The following NCK1 variants were observed in gnomAD, a reference collection of about 807,000 sequenced individuals.
NCK1 encodes SH2/SH3 adapter protein NCK1.
A neutral mutation model predicts 36.6 loss-of-function variants in NCK1; 19 were observed. That is an observed-to-expected ratio of 0.52 (90% CI 0.36 to 0.76). The LOEUF (loss-of-function observed/expected upper bound fraction) is 0.76, where lower values mean the gene tolerates loss of function less well. Ranked by LOEUF, NCK1 falls within the 30% of genes least tolerant of loss-of-function variation. NCK1 has a pLI of 0.00. For missense variants in NCK1, 358 were observed against 445.6 expected (o/e 0.80, Z 1.77); for synonymous variants, 165 against 156.0 (o/e 1.06, Z -0.43).
intron 2 of NCK1, chr3:136,930,586 A>G: frequency 6.7e-7 from 1 of 1,483,626 alleles, no homozygotes; most frequent in African/African-American, 1.4e-5. Flanking sequence ...GTCTTTAAAG[A>G]TTTTTTCAGT....
At chr3:136,867,952 T>A (rs1938498654) in intron 1 of NCK1, among the ~76,000 whole-genome samples, 1 of 152,030 alleles carries the variant, frequency 6.6e-6, no homozygotes, top group Admixed American at 6.6e-5. Flanking sequence ...AGTTTCGCAG[T>A]TTTTGCCCTG....
At chr3:136,882,547 CTGTGTGTGTGTGTGTG>C (rs35463509) in intron 1 of NCK1, among the ~76,000 whole-genome samples, 8 of 143,492 alleles carry the variant, frequency 5.6e-5, no homozygotes, top group South Asian at 2.3e-4. Context: ...TCCCACATCA[CTGTGTGTGTGTGTGTG>C]TGTGTGTGTG....
intron 1 of NCK1, among the ~76,000 whole-genome samples, chr3:136,878,697 C>G (rs1370996424): frequency 1.7e-5 from 1 of 59,062 alleles, no homozygotes; most frequent in African/African-American, 5.4e-5. Context: ...TGAGTTGTAT[C>G]TCAATAAAGC....
chr3:136,907,567 G>T (rs968901018), intron 1 of NCK1, among the ~76,000 whole-genome samples: 13 of 152,178 alleles, frequency 8.5e-5, no homozygotes, highest in African/African-American at 3.1e-4. Context: ...GCTCTCCGCT[G>T]ATCCTGGTTG....
In NCK1 at chr3:136,948,606, A is replaced by AT; in HGVS notation, c.*154dup. 2 of 623,728 alleles carry AT rather than the reference A, an allele frequency of 3.2e-6. No homozygotes were observed. The highest frequency in any genetic ancestry group is 5.5e-6 in the Non-Finnish European group (2 of 360,604). The allele number at this position is 623,728 out of a possible 1,614,324, so 38.6% of individuals were successfully genotyped here. A position where few individuals can be genotyped will look rare whatever the true frequency, so the allele number is the denominator to read the frequency against. On this transcript the variant is annotated 3_prime_UTR_variant, in exon 4 of 4. Transcript: ENST00000481752. The stretch of plus-strand genomic sequence containing the variant: ...AAGTATTTTTATTATAACTCAGCCC[A>AT]TACATATATACTATGTATGCAGTGC...
intron 1 of NCK1, among the ~76,000 whole-genome samples, chr3:136,912,320 G>A (rs1022840143): frequency 2.8e-4 from 42 of 151,836 alleles, no homozygotes; most frequent in African/African-American, 6.8e-4. Flanking sequence ...ATGCCACCAC[G>A]CCTGGCTGAT....
chr3:136,881,690 C>T (rs1470745156), intron 1 of NCK1, among the ~76,000 whole-genome samples: 1 of 152,178 alleles, frequency 6.6e-6, no homozygotes, highest in African/African-American at 2.4e-5. Flanking sequence ...GTCTTCCCTC[C>T]TCCTAGCCCC....
chr3:136,867,809 A>T (rs747749571), intron 1 of NCK1, among the ~76,000 whole-genome samples: 5 of 152,108 alleles, frequency 3.3e-5, no homozygotes, highest in African/African-American at 4.8e-5. Flanking sequence ...ACTACTTCTC[A>T]TCTCTTGTAA....
At chr3:136,874,224 G>T (rs1938704044) in intron 1 of NCK1, among the ~76,000 whole-genome samples, 1 of 152,100 alleles carries the variant, frequency 6.6e-6, no homozygotes, top group East Asian at 1.9e-4. Flanking sequence ...CACCCAGGCT[G>T]GAGTGCAGTG....
Position 136,951,365 on chromosome 3 carries a change from ATGT to A in NCK1, c.*2917_*2919del, listed in dbSNP as rs879390433. ...CTAAACACAGTGGCCTTATACAGAA[ATGT>A]TGTTCAACCCACACAGTGCTTTAAA... is the stretch of plus-strand genomic sequence containing the variant. On this transcript the variant is annotated 3_prime_UTR_variant, in exon 4 of 4. Coordinates refer to ENST00000481752, the MANE Select transcript of NCK1 (RefSeq NM_001291999.2). Among the ~76,000 whole-genome samples, 31 of 152,298 alleles carry A rather than the reference ATGT, an allele frequency of 2.0e-4. No homozygotes were observed. The highest frequency in any genetic ancestry group is 5.1e-4 in the African/African-American group (21 of 41,578).
intron 1 of NCK1, among the ~76,000 whole-genome samples, chr3:136,890,698 T>TTAAAA: frequency 6.6e-6 from 1 of 152,372 alleles, no homozygotes; most frequent in Admixed American, 6.5e-5. Context: ...CTACTGGCAT[T>TTAAAA]CATGTACATG....
At chr3:136,874,647 A>G (rs887485929) in intron 1 of NCK1, among the ~76,000 whole-genome samples, 1 of 152,170 alleles carries the variant, frequency 6.6e-6, no homozygotes, top group African/African-American at 2.4e-5. Context: ...TGATAAAACT[A>G]GCGACTCCCT....
At chr3:136,901,728 G>C (rs969921854) in intron 1 of NCK1, among the ~76,000 whole-genome samples, 3 of 152,076 alleles carry the variant, frequency 2.0e-5, no homozygotes, top group African/African-American at 7.2e-5. Context: ...TAGTTGTAAT[G>C]TCTCTTTTCA....
At chr3:136,935,785 A>T (rs764304916) in intron 2 of NCK1, among the ~76,000 whole-genome samples, 4 of 152,182 alleles carry the variant, frequency 2.6e-5, no homozygotes, top group Non-Finnish European at 5.9e-5. Context: ...GTACATTAAC[A>T]GTGTTGTGCA....
intron 3 of NCK1, 72 bp downstream of exon 3, chr3:136,946,367 G>A: frequency 1.5e-6 from 2 of 1,334,656 alleles, no homozygotes; most frequent in Non-Finnish European, 2.1e-6. Context: ...GAGAAATGGA[G>A]AGGTTAAGTG....
At chr3:136,871,303 C>T (rs1370047819) in intron 1 of NCK1, among the ~76,000 whole-genome samples, 2 of 151,734 alleles carry the variant, frequency 1.3e-5, no homozygotes, top group African/African-American at 2.4e-5. Flanking sequence ...GCAAGGCTGG[C>T]GGGAGGATTG....
chr3:136,889,750 A>G (rs770041759), intron 1 of NCK1, among the ~76,000 whole-genome samples: 3 of 152,168 alleles, frequency 2.0e-5, no homozygotes, highest in Non-Finnish European at 4.4e-5. Flanking sequence ...CCAAGTCCCC[A>G]CCAGAGTAGC....
rs115633136 is a variant in NCK1, at chr3:136,865,725, T to C, written c.-19+3372T>C. On this transcript the variant is annotated intron_variant, in intron 1 of 3. Transcript: ENST00000481752. ...CAGTTAACAAATTCTCTATAAATAC[T>C]GTGATGTTAGGAAGACAACAAGGCT... Among the ~76,000 whole-genome samples the C allele has an allele frequency of 3.0e-3, 456 of 152,360 alleles. 1 individual carries two copies. The highest frequency in any genetic ancestry group is 9.6e-3 in the African/African-American group (398 of 41,598).
intron 1 of NCK1, among the ~76,000 whole-genome samples, chr3:136,920,680 C>T (rs1940087537): frequency 6.6e-6 from 1 of 152,036 alleles, no homozygotes; most frequent in African/African-American, 2.4e-5. Context: ...TACATTTTAT[C>T]TAAAGAAAGA....
Sources: allele counts gnomAD v4.1 joint callset (sites outside exome capture counted in the v4.1 genomes callset), GRCh38; gene constraint gnomAD v4.1.1; transcripts MANE v1.5; gene names NCBI Gene and HGNC (gene_info 2026-07-23, HGNC 2026-07-21).